The following RARB variants were observed in gnomAD, a reference collection of about 807,000 sequenced individuals.
RARB encodes retinoic acid receptor beta.
Under a neutral mutation model 51.9 loss-of-function variants are expected in RARB, and 17 were observed. The ratio of observed to expected loss-of-function variants is 0.33; its 90% CI spans 0.22 to 0.49. RARB has a LOEUF of 0.49. Among genes scored for constraint, RARB ranks in the 20% least tolerant of loss-of-function variants. RARB has a pLI of 0.99. For missense variants in RARB, 369 were observed against 550.8 expected (o/e 0.67, Z 3.30); for synonymous variants, 215 against 195.4 (o/e 1.10, Z -0.84).
chr3:24,982,075 T>C (rs986193955), intron 2 of RARB, among the ~76,000 whole-genome samples: 3 of 152,334 alleles, frequency 2.0e-5, no homozygotes, highest in East Asian at 1.9e-4. Context: ...TTCAATGATA[T>C]TATATATCAT....
At chr3:25,445,749 C>T (rs1327809275) in intron 1 of RARB, among the ~76,000 whole-genome samples, 2 of 152,090 alleles carry the variant, frequency 1.3e-5, no homozygotes, top group South Asian at 2.1e-4. Context: ...TATAAATTGT[C>T]AGGAGTTCTC....
At chr3:25,192,087 ATTC>A (rs1366960706) in intron 5 of RARB, among the ~76,000 whole-genome samples, 1 of 152,094 alleles carries the variant, frequency 6.6e-6, no homozygotes, top group Non-Finnish European at 1.5e-5. Flanking sequence ...TATTTACATG[ATTC>A]TTCATCTTTG....
intron 3 of RARB, among the ~76,000 whole-genome samples, chr3:25,552,476 G>A (rs1699887247): frequency 6.6e-6 from 1 of 151,804 alleles, no homozygotes; most frequent in Non-Finnish European, 1.5e-5. Context: ...GGGGCGGGGG[G>A]AACATTCTCG....
intron 3 of RARB, among the ~76,000 whole-genome samples, chr3:25,518,212 G>A (rs1361568700): frequency 6.6e-6 from 1 of 152,104 alleles, no homozygotes; most frequent in Non-Finnish European, 1.5e-5. Flanking sequence ...GTAAACCTTG[G>A]AGTCAGATTC....
At chr3:25,286,755 A>G (rs1703666243) in intron 5 of RARB, among the ~76,000 whole-genome samples, 1 of 152,200 alleles carries the variant, frequency 6.6e-6, no homozygotes, top group Admixed American at 6.5e-5. Flanking sequence ...AGTCATGTGT[A>G]ATATTTACAA....
chr3:24,948,827 G>T (rs1417215568), intron 2 of RARB, among the ~76,000 whole-genome samples: 1 of 152,132 alleles, frequency 6.6e-6, no homozygotes, highest in Non-Finnish European at 1.5e-5. Context: ...CATGTGTGAC[G>T]TGCCTGCTCC....
At chr3:24,907,040 G>A (rs767654363) in intron 2 of RARB, among the ~76,000 whole-genome samples, 2 of 152,006 alleles carry the variant, frequency 1.3e-5, no homozygotes, top group African/African-American at 2.4e-5. Context: ...CTGAGTTGGG[G>A]ATATAGACTT....
intron 2 of RARB, among the ~76,000 whole-genome samples, chr3:24,983,559 G>C (rs1423824058): frequency 6.6e-6 from 1 of 151,936 alleles, no homozygotes; most frequent in Admixed American, 6.6e-5. Context: ...ACAGGTCCTG[G>C]TGTGTGGTGC....
intron 2 of RARB, among the ~76,000 whole-genome samples, chr3:25,052,366 T>C (rs548690877): frequency 6.6e-6 from 1 of 152,278 alleles, no homozygotes; most frequent in South Asian, 2.1e-4. Context: ...AGAAGTACAA[T>C]TGCTAGCTTT....
At chr3:25,100,102 A>T (rs1303232024) in intron 3 of RARB, among the ~76,000 whole-genome samples, 1 of 152,114 alleles carries the variant, frequency 6.6e-6, no homozygotes, top group Non-Finnish European at 1.5e-5. Context: ...TCATTCATTC[A>T]TCCCTGGATT....
intron 5 of RARB, among the ~76,000 whole-genome samples, chr3:25,326,169 C>A (rs551400056): frequency 7.9e-5 from 12 of 152,180 alleles, no homozygotes; most frequent in Non-Finnish European, 1.6e-4. Context: ...TAGAGAAATA[C>A]TCAAAGATAT....
At chr3:25,430,983 T>C (rs1315317275) in intron 1 of RARB, among the ~76,000 whole-genome samples, 2 of 139,180 alleles carry the variant, frequency 1.4e-5, no homozygotes, top group African/African-American at 5.2e-5. Flanking sequence ...TAAATAAAAC[T>C]AAAACTTTTT....
intron 3 of RARB, among the ~76,000 whole-genome samples, chr3:25,565,541 C>T (rs867256846): frequency 5.3e-5 from 8 of 152,044 alleles, no homozygotes; most frequent in African/African-American, 1.4e-4. Flanking sequence ...TCCTGTTTTG[C>T]GATGGCACAT....
At chr3:24,940,645 T>C (rs1335899245) in intron 2 of RARB, among the ~76,000 whole-genome samples, 1 of 152,100 alleles carries the variant, frequency 6.6e-6, no homozygotes, top group African/African-American at 2.4e-5. Flanking sequence ...TTCCTGTCCA[T>C]GTGTGTTCTT....
At chr3:25,030,669 C>A (rs912822274) in intron 2 of RARB, among the ~76,000 whole-genome samples, 1 of 152,110 alleles carries the variant, frequency 6.6e-6, no homozygotes, top group Non-Finnish European at 1.5e-5. Flanking sequence ...TTTTGTCATA[C>A]AATTTTGAGG....
At chr3:25,304,922 A>G (rs1704121368) in intron 5 of RARB, among the ~76,000 whole-genome samples, 1 of 152,198 alleles carries the variant, frequency 6.6e-6, no homozygotes, top group Non-Finnish European at 1.5e-5. Context: ...TAATAACAGC[A>G]TTTAACAAGT....
At chr3:25,248,098 G>C (rs1702612884) in intron 5 of RARB, among the ~76,000 whole-genome samples, 1 of 152,086 alleles carries the variant, frequency 6.6e-6, no homozygotes, top group Non-Finnish European at 1.5e-5. Flanking sequence ...ATTTCCTCTT[G>C]CTGGACTGAT....
intron 5 of RARB, among the ~76,000 whole-genome samples, chr3:25,418,411 A>G (rs1707766984): frequency 6.6e-6 from 1 of 152,206 alleles, no homozygotes; most frequent in Non-Finnish European, 1.5e-5. Flanking sequence ...CTTCCATTGA[A>G]GTAGATGTTA....
At chr3:25,045,203 T>G (rs1395935829) in intron 2 of RARB, among the ~76,000 whole-genome samples, 1 of 152,144 alleles carries the variant, frequency 6.6e-6, no homozygotes, top group East Asian at 1.9e-4. Flanking sequence ...GGGTGTTTGA[T>G]GGAGAAAGGA....
Sources: gnomAD v4.1 joint callset for allele counts (sites outside exome capture counted in the v4.1 genomes callset) on GRCh38, gnomAD v4.1.1 for gene constraint, MANE v1.5 for transcripts, NCBI Gene and HGNC (gene_info 2026-07-23, HGNC 2026-07-21) for gene names.